NTM: variants seen among roughly 807,000 people sequenced by gnomAD.
NTM encodes IgLON family member 2.
In NTM, 13 loss-of-function variants were observed where a neutral mutation model predicts 42.1. The ratio of observed to expected loss-of-function variants is 0.31; its 90% CI spans 0.20 to 0.49. The LOEUF is 0.49. NTM is among the 20% of genes least tolerant of loss of function. The probability of loss-of-function intolerance (pLI) is 0.99; values close to 1 mark genes in which losing one functional copy is unlikely to be tolerated. For missense variants in NTM, 373 were observed against 452.8 expected, an observed-to-expected ratio of 0.82 and a Z score of 1.60; for synonymous variants, 187 against 179.2, an observed-to-expected ratio of 1.04 and a Z score of -0.35.
intron 1 of NTM, among the ~76,000 whole-genome samples, chr11:131,856,701 C>A (rs892183861): frequency 3.3e-5 from 5 of 152,166 alleles, no homozygotes; most frequent in African/African-American, 1.2e-4. Context: ...TAGATTCAAG[C>A]GCCCTTTGAA....
At chr11:131,904,438 G>A (rs142902422) in intron 1 of NTM, among the ~76,000 whole-genome samples, 104 of 152,338 alleles carry the variant, frequency 6.8e-4, no homozygotes, top group African/African-American at 2.3e-3. Context: ...GTATGTGTGT[G>A]CCTGTAGATG....
At chr11:131,873,722 T>C (rs2048140205) in intron 1 of NTM, among the ~76,000 whole-genome samples, 1 of 143,752 alleles carries the variant, frequency 7.0e-6, no homozygotes, top group African/African-American at 2.6e-5. Context: ...CACACACACT[T>C]TTAATGTATA....
chr11:131,833,309 A>G (rs781707894), intron 1 of NTM, among the ~76,000 whole-genome samples: 1 of 152,188 alleles, frequency 6.6e-6, no homozygotes, highest in African/African-American at 2.4e-5. Context: ...TTCTATTGCT[A>G]TCAATATCTA....
chr11:131,558,792 C>A (rs1367956448), intron 1 of NTM, among the ~76,000 whole-genome samples: 1 of 152,128 alleles, frequency 6.6e-6, no homozygotes, highest in Admixed American at 6.6e-5. Flanking sequence ...CATCCCCTAC[C>A]CTCGCTGGAT....
At chr11:132,056,971 G>A (rs548102778) in intron 2 of NTM, among the ~76,000 whole-genome samples, 10 of 152,276 alleles carry the variant, frequency 6.6e-5, no homozygotes, top group East Asian at 3.9e-4. Context: ...CTGCTTTGTC[G>A]TATAGCAGTG....
intron 1 of NTM, among the ~76,000 whole-genome samples, chr11:131,513,042 C>T (rs1003138329): frequency 3.9e-5 from 6 of 152,154 alleles, no homozygotes; most frequent in African/African-American, 7.2e-5. Flanking sequence ...TGTTTTGCTC[C>T]GTGACTGGAT....
At chr11:131,591,041 A>C (rs771328238) in intron 1 of NTM, among the ~76,000 whole-genome samples, 5 of 152,184 alleles carry the variant, frequency 3.3e-5, no homozygotes, top group Non-Finnish European at 5.9e-5. Flanking sequence ...GAACCAAATG[A>C]AATCCTTGGG....
At chr11:132,325,506 G>A (rs991777962) in intron 7 of NTM, among the ~76,000 whole-genome samples, 6 of 152,222 alleles carry the variant, frequency 3.9e-5, no homozygotes, top group African/African-American at 1.2e-4. Flanking sequence ...TCATTAAAAT[G>A]TCAGGAAACA....
intron 1 of NTM, among the ~76,000 whole-genome samples, chr11:131,872,597 A>G (rs1371915577): frequency 6.6e-6 from 1 of 152,174 alleles, no homozygotes. Flanking sequence ...ATCTCTCTGC[A>G]TGTGTGCATG....
Position 131,911,551 on chromosome 11 carries a change from C to T in NTM, c.83-13C>T, listed in dbSNP as rs143802759. On this transcript the variant is annotated splice_polypyrimidine_tract_variant and intron_variant, in intron 1 of 8. Transcript: ENST00000683400. ...GGTCGTGTCTCTCAGGCTGCTGTTC[C>T]TTGTACCCACAGGAGTGCCCGTGCG... is the stretch of plus-strand genomic sequence containing the variant. 1 of 1,614,174 alleles carries T rather than the reference C, an allele frequency of 6.2e-7. No homozygotes were observed. The highest frequency in any genetic ancestry group is 8.5e-7 in the Non-Finnish European group (1 of 1,180,028).
intron 4 of NTM, among the ~76,000 whole-genome samples, chr11:132,250,304 A>G (rs897368004): frequency 2.7e-5 from 4 of 150,002 alleles, no homozygotes; most frequent in African/African-American, 5.0e-5. Context: ...TGCTTTTAAG[A>G]TTTTTTCTTT....
intron 1 of NTM, among the ~76,000 whole-genome samples, chr11:131,767,632 C>T (rs981769393): frequency 3.3e-5 from 5 of 152,198 alleles, no homozygotes; most frequent in African/African-American, 4.8e-5. Flanking sequence ...CCTCTGCAAA[C>T]CAGGAAATGA....
rs147557195 is a variant in NTM at position 131,588,197 on chromosome 11, C to T, written c.82+217309C>T. On this transcript the variant is annotated intron_variant, in intron 1 of 8. Transcript: ENST00000683400. ...GACACAATGAGAGATCTGCTGCAAG[C>T]TCACTCAAATGACTGTTGGCAGGTT... Among the ~76,000 whole-genome samples, 7 of 152,356 alleles carry T rather than the reference C, an allele frequency of 4.6e-5. No individual in the cohort carries two copies. The East Asian group carries it at 1.3e-3, about 29-fold the overall frequency.
At chr11:131,929,461 T>TA (rs537033365) in intron 2 of NTM, among the ~76,000 whole-genome samples, 2,420 of 151,728 alleles carry the variant, frequency 0.016, 62 homozygotes, top group African/African-American at 0.053. Flanking sequence ...TTTTTTTTTT[T>TA]AATTTTTTAT....
At chr11:131,873,177 C>T (rs1052249213) in intron 1 of NTM, among the ~76,000 whole-genome samples, 8 of 152,118 alleles carry the variant, frequency 5.3e-5, no homozygotes, top group Non-Finnish European at 7.3e-5. Flanking sequence ...GAATACTATG[C>T]AGCCATAAAA....
At chr11:132,143,322 C>T (rs1245169091) in intron 2 of NTM, among the ~76,000 whole-genome samples, 1 of 152,136 alleles carries the variant, frequency 6.6e-6, no homozygotes, top group Non-Finnish European at 1.5e-5. Context: ...GAATCAGAAA[C>T]CCATGGAGTA....
chr11:131,831,834 T>C (rs1019884927), intron 1 of NTM, among the ~76,000 whole-genome samples: 1 of 151,774 alleles, frequency 6.6e-6, no homozygotes, highest in Non-Finnish European at 1.5e-5. Context: ...GTTCAGATTA[T>C]CTCCGGGTTT....
intron 1 of NTM, chr11:131,605,846 T>C (rs1234270045): frequency 6.1e-6 from 6 of 984,226 alleles, no homozygotes; most frequent in African/African-American, 5.2e-5. Flanking sequence ...TGGAAGCCTC[T>C]TCTTGGACTA....
chr11:131,930,556 T>C (rs1210606248), intron 2 of NTM, among the ~76,000 whole-genome samples: 1 of 152,216 alleles, frequency 6.6e-6, no homozygotes, highest in East Asian at 1.9e-4. Context: ...AAAAACATAA[T>C]ACATTGATCA....
Sources: gnomAD v4.1 joint callset for allele counts (sites outside exome capture counted in the v4.1 genomes callset) on GRCh38, gnomAD v4.1.1 for gene constraint, MANE v1.5 for transcripts, NCBI Gene and HGNC (gene_info 2026-07-23, HGNC 2026-07-21) for gene names.